The following BNC2 variants were observed in gnomAD, a reference collection of about 807,000 sequenced individuals.
The protein encoded by BNC2 is basonuclin zinc finger protein 2, also known as zinc finger protein basonuclin-2.
Under a neutral mutation model 76.3 loss-of-function variants are expected in BNC2, and 20 were observed. That is an observed-to-expected ratio of 0.26 (90% CI 0.18 to 0.38). BNC2 has a LOEUF of 0.38. Among genes scored for constraint, BNC2 ranks in the 10% least tolerant of loss-of-function variants. The pLI is 1.00. For missense variants in BNC2, 1,382 were observed against 1,399.8 expected, an observed-to-expected ratio of 0.99 and a Z score of 0.20; for synonymous variants, 582 against 514.8, an observed-to-expected ratio of 1.13 and a Z score of -1.77.
intron 5 of BNC2, among the ~76,000 whole-genome samples, chr9:16,439,316 A>G (rs535273609): frequency 6.6e-6 from 1 of 152,358 alleles, no homozygotes; most frequent in Non-Finnish European, 1.5e-5. Flanking sequence ...ATTGAGGGGC[A>G]TTCTACAAAA....
intron 3 of BNC2, among the ~76,000 whole-genome samples, chr9:16,603,414 C>A (rs1012552593): frequency 3.3e-5 from 5 of 152,152 alleles, no homozygotes; most frequent in Admixed American, 1.3e-4. Context: ...ACATTAACTG[C>A]TACCAATGCA....
At chr9:16,560,653 A>G (rs921742301) in intron 4 of BNC2, among the ~76,000 whole-genome samples, 2 of 152,220 alleles carry the variant, frequency 1.3e-5, no homozygotes, top group Non-Finnish European at 2.9e-5. Context: ...ACTTGAGCCC[A>G]GGAGTTCCAG....
chr9:16,674,495 C>G (rs557005586), intron 3 of BNC2, among the ~76,000 whole-genome samples: 1 of 152,206 alleles, frequency 6.6e-6, no homozygotes, highest in Non-Finnish European at 1.5e-5. Flanking sequence ...TTTTACAACT[C>G]GCATGGATAG....
chr9:16,870,583 G>A, intron 1 of BNC2, 63 bp downstream of exon 1: 1 of 1,592,864 alleles, frequency 6.3e-7, no homozygotes, highest in Admixed American at 1.7e-5. Context: ...GTGGCGCTCG[G>A]GCGCGGGGGT....
intron 5 of BNC2, chr9:16,476,003 C>A: frequency 6.6e-6 from 1 of 152,276 alleles, no homozygotes; most frequent in South Asian, 2.1e-4. Flanking sequence ...TGAAGCAATT[C>A]CCGTGTCCAA....
intron 5 of BNC2, among the ~76,000 whole-genome samples, chr9:16,481,946 C>A (rs185793380): frequency 1.3e-5 from 2 of 152,150 alleles, no homozygotes; most frequent in South Asian, 2.1e-4. Context: ...ACCAACTTCA[C>A]GGGATCATTA....
chr9:16,652,745 G>C (rs1256446121), intron 3 of BNC2, among the ~76,000 whole-genome samples: 1 of 152,200 alleles, frequency 6.6e-6, no homozygotes. Context: ...TCAATCTTAT[G>C]GACAGAAGTT....
intron 1 of BNC2, among the ~76,000 whole-genome samples, chr9:16,783,911 A>G (rs1239668269): frequency 2.0e-5 from 3 of 152,220 alleles, no homozygotes; most frequent in Non-Finnish European, 4.4e-5. Context: ...TTATATTTTT[A>G]AAATATCGAT....
chr9:16,566,706 C>T (rs568377365), intron 4 of BNC2, among the ~76,000 whole-genome samples: 4 of 152,082 alleles, frequency 2.6e-5, no homozygotes, highest in Admixed American at 1.3e-4. Context: ...GTGATCAATA[C>T]GCTAGACTGA....
intron 1 of BNC2, among the ~76,000 whole-genome samples, chr9:16,868,768 G>C (rs573511629): frequency 6.6e-6 from 1 of 151,850 alleles, no homozygotes; most frequent in Non-Finnish European, 1.5e-5. Flanking sequence ...ATAAAACACA[G>C]ATACTCTCTA....
intron 3 of BNC2, among the ~76,000 whole-genome samples, chr9:16,639,657 C>T (rs1821431194): frequency 1.3e-5 from 2 of 152,138 alleles, no homozygotes; most frequent in Non-Finnish European, 2.9e-5. Context: ...TGGCTCATGC[C>T]TGTAATCCCA....
chr9:16,523,485 AAAC>A (rs1554663957), intron 5 of BNC2, among the ~76,000 whole-genome samples: 90 of 126,290 alleles, frequency 7.1e-4, no homozygotes, highest in African/African-American at 3.1e-3. Context: ...CAAAAAAAAA[AAAC>A]AAAACAAAAA....
At chr9:16,867,009 T>A (rs1008749852) in intron 1 of BNC2, among the ~76,000 whole-genome samples, 2 of 152,180 alleles carry the variant, frequency 1.3e-5, no homozygotes, top group African/African-American at 4.8e-5. Flanking sequence ...AAGTTAAGAA[T>A]CTATAAACTG....
At chr9:16,663,368 T>C (rs1420675816) in intron 3 of BNC2, among the ~76,000 whole-genome samples, 1 of 151,986 alleles carries the variant, frequency 6.6e-6, no homozygotes, top group African/African-American at 2.4e-5. Context: ...AACCTCATGA[T>C]CCACTGGCCT....
intron 5 of BNC2, among the ~76,000 whole-genome samples, chr9:16,537,271 C>T (rs1189924539): frequency 6.6e-6 from 1 of 152,092 alleles, no homozygotes; most frequent in African/African-American, 2.4e-5. Context: ...CTGTAAAAGT[C>T]TGGTGTTATG....
chr9:16,573,892 T>G (rs1308677400), intron 4 of BNC2, among the ~76,000 whole-genome samples: 1 of 152,224 alleles, frequency 6.6e-6, no homozygotes, highest in Non-Finnish European at 1.5e-5. Flanking sequence ...AGAAATGGGA[T>G]GTATAAACAA....
chr9:16,422,007 ACACAG>A (rs1370134291), intron 6 of BNC2, among the ~76,000 whole-genome samples: 9 of 152,224 alleles, frequency 5.9e-5, no homozygotes, highest in Non-Finnish European at 1.2e-4. Flanking sequence ...GCAGCCAGAC[ACACAG>A]CAGTTGCATC....
chr9:16,596,648 C>A (rs1406224385), intron 3 of BNC2, among the ~76,000 whole-genome samples: 2 of 152,016 alleles, frequency 1.3e-5, no homozygotes, highest in African/African-American at 4.8e-5. Context: ...ATATTTTGAA[C>A]ATTTAAGAGA....
intron 3 of BNC2, among the ~76,000 whole-genome samples, chr9:16,592,287 C>T (rs932014240): frequency 1.3e-5 from 2 of 152,062 alleles, no homozygotes; most frequent in Admixed American, 6.6e-5. Flanking sequence ...AAAACGCTAT[C>T]CCTCCATCCA....
Sources: allele counts gnomAD v4.1 joint callset (sites outside exome capture counted in the v4.1 genomes callset), GRCh38; gene constraint gnomAD v4.1.1; transcripts MANE v1.5; gene names NCBI Gene and HGNC (gene_info 2026-07-23, HGNC 2026-07-21).